Variants in SPOCK3 observed in about 807,000 individuals in gnomAD.
The protein encoded by SPOCK3 is SPARC (osteonectin), cwcv and kazal like domains proteoglycan 3.
In SPOCK3, 30 loss-of-function variants were observed where a neutral mutation model predicts 56.6. The observed-to-expected ratio is 0.53, with a 90% confidence interval of 0.40 to 0.72. SPOCK3 has a LOEUF of 0.72. Ranked by LOEUF, SPOCK3 falls within the 30% of genes least tolerant of loss-of-function variation. The pLI is 0.00. For synonymous variants in SPOCK3, 196 were observed against 183.3 expected, an observed-to-expected ratio of 1.07 and a Z score of -0.56; for missense variants, 527 against 530.0, an observed-to-expected ratio of 0.99 and a Z score of 0.06.
At chr4:166,905,159 T>C (rs962896281) in intron 5 of SPOCK3, among the ~76,000 whole-genome samples, 35 of 152,068 alleles carry the variant, frequency 2.3e-4, no homozygotes, top group Non-Finnish European at 1.2e-4. Context: ...ATTATACAGT[T>C]ATTTTAGCAA....
At chr4:167,113,668 A>C (rs577748470) in intron 2 of SPOCK3, among the ~76,000 whole-genome samples, 5 of 152,096 alleles carry the variant, frequency 3.3e-5, no homozygotes, top group African/African-American at 1.2e-4. Context: ...TTCAAGCAAC[A>C]GCAGTAAACC....
At chr4:167,161,604 G>A (rs1300330065) in intron 2 of SPOCK3, among the ~76,000 whole-genome samples, 10 of 152,014 alleles carry the variant, frequency 6.6e-5, no homozygotes, top group Admixed American at 4.6e-4. Flanking sequence ...TGGTTATTGC[G>A]GCACTATTCA....
intron 3 of SPOCK3, among the ~76,000 whole-genome samples, chr4:167,058,571 C>T (rs1191550953): frequency 6.6e-6 from 1 of 152,138 alleles, no homozygotes; most frequent in African/African-American, 2.4e-5. Flanking sequence ...AATGGCCATA[C>T]TGCCCAAGGT....
At chr4:166,902,609 C>T (rs980065818) in intron 5 of SPOCK3, among the ~76,000 whole-genome samples, 4 of 151,078 alleles carry the variant, frequency 2.6e-5, no homozygotes, top group Admixed American at 2.0e-4. Flanking sequence ...ATAATATTTG[C>T]ATATATTTCA....
chr4:167,230,516 A>AG (rs1300871650), intron 2 of SPOCK3, among the ~76,000 whole-genome samples: 1 of 151,308 alleles, frequency 6.6e-6, no homozygotes, highest in African/African-American at 2.4e-5. Flanking sequence ...AAAAAAAAAA[A>AG]AAAACCAGCA....
intron 4 of SPOCK3, among the ~76,000 whole-genome samples, chr4:166,986,179 TTATG>T (rs908248343): frequency 1.6e-4 from 25 of 152,318 alleles, no homozygotes; most frequent in African/African-American, 6.0e-4. Flanking sequence ...TTTCTTCTTT[TTATG>T]TATGTAATTA....
At chr4:167,016,956 G>T (rs999711129) in intron 3 of SPOCK3, among the ~76,000 whole-genome samples, 1 of 152,180 alleles carries the variant, frequency 6.6e-6, no homozygotes, top group African/African-American at 2.4e-5. Flanking sequence ...CAAGATCATA[G>T]GATTATTCTA....
chr4:167,123,740 CT>C (rs901846399), intron 2 of SPOCK3, among the ~76,000 whole-genome samples: 17,595 of 118,328 alleles, frequency 0.15, 1,263 homozygotes, highest in Admixed American at 0.25. Flanking sequence ...CATTTCTTTT[CT>C]TTTTTTTTTT....
intron 3 of SPOCK3, among the ~76,000 whole-genome samples, chr4:167,010,725 C>A (rs1007285018): frequency 1.3e-5 from 2 of 151,854 alleles, no homozygotes; most frequent in Non-Finnish European, 2.9e-5. Context: ...TAGTGAATTG[C>A]AAGAAGCGAT....
At chr4:166,762,808 C>T (rs1427792100) in intron 7 of SPOCK3, among the ~76,000 whole-genome samples, 2 of 151,868 alleles carry the variant, frequency 1.3e-5, no homozygotes, top group Non-Finnish European at 2.9e-5. Flanking sequence ...GAAAAAAAAT[C>T]CTTGAAACTG....
In SPOCK3 at chr4:167,206,533, A is replaced by G. The variant is rs756534238; in HGVS notation, c.189+27452T>C. ...TATTATGTTGTTTAAAAAGTTCATC[A>G]GCAAGAATGACTTGTGGCACTTTTC... On this transcript the variant is annotated intron_variant, in intron 2 of 10. Transcript: ENST00000357545. Among the ~76,000 whole-genome samples the G allele has an allele frequency of 4.6e-5, 7 of 152,248 alleles. No homozygotes were observed. The East Asian group carries it at 5.8e-4, about 13-fold the overall frequency.
chr4:166,971,037 A>T (rs893457083), intron 4 of SPOCK3, among the ~76,000 whole-genome samples: 1 of 152,128 alleles, frequency 6.6e-6, no homozygotes, highest in African/African-American at 2.4e-5. Context: ...TTGATTTTTT[A>T]AATTAGGAAA....
chr4:166,993,333 C>T (rs1361938338), intron 4 of SPOCK3, among the ~76,000 whole-genome samples: 1 of 152,124 alleles, frequency 6.6e-6, no homozygotes, highest in Non-Finnish European at 1.5e-5. Flanking sequence ...ATGAATCCTT[C>T]TCGTGTATTT....
intron 2 of SPOCK3, among the ~76,000 whole-genome samples, chr4:167,136,701 T>C (rs1763148522): frequency 1.3e-5 from 2 of 152,306 alleles, no homozygotes; most frequent in African/African-American, 2.4e-5. Context: ...TATTTCATTT[T>C]ATAATTTTTT....
intron 7 of SPOCK3, among the ~76,000 whole-genome samples, chr4:166,789,523 T>C (rs1013415135): frequency 5.9e-5 from 9 of 152,140 alleles, no homozygotes; most frequent in African/African-American, 2.2e-4. Flanking sequence ...AACTATGGAT[T>C]TTCACAAGAA....
chr4:166,982,818 A>G (rs954182109), intron 4 of SPOCK3, among the ~76,000 whole-genome samples: 1 of 152,190 alleles, frequency 6.6e-6, no homozygotes, highest in Non-Finnish European at 1.5e-5. Flanking sequence ...TTTATTAAGA[A>G]CACAGTGGCC....
At chr4:166,790,914 C>T (rs1741275251) in intron 7 of SPOCK3, among the ~76,000 whole-genome samples, 1 of 152,148 alleles carries the variant, frequency 6.6e-6, no homozygotes, top group Non-Finnish European at 1.5e-5. Flanking sequence ...TCTCCCCACT[C>T]CAGACATCTT....
At chr4:167,198,041 T>C (rs1245785126) in intron 2 of SPOCK3, among the ~76,000 whole-genome samples, 1 of 152,018 alleles carries the variant, frequency 6.6e-6, no homozygotes, top group African/African-American at 2.4e-5. Context: ...CTTTATGATA[T>C]ATAAAAAATC....
chr4:166,877,093 G>A (rs1733175429), intron 6 of SPOCK3, among the ~76,000 whole-genome samples: 1 of 152,014 alleles, frequency 6.6e-6, no homozygotes, highest in African/African-American at 2.4e-5. Flanking sequence ...TGGTTAAAGT[G>A]GCTACCTCTA....
Sources: gnomAD v4.1 joint callset for allele counts (sites outside exome capture counted in the v4.1 genomes callset) on GRCh38, gnomAD v4.1.1 for gene constraint, MANE v1.5 for transcripts, NCBI Gene and HGNC (gene_info 2026-07-23, HGNC 2026-07-21) for gene names.